The following PRKCB variants were observed in gnomAD, a reference collection of about 807,000 sequenced individuals.
PRKCB encodes the protein protein kinase C beta type.
PRKCB carries 13 observed loss-of-function variants against 81.5 expected under a neutral mutation model. The observed-to-expected ratio is 0.16, with a 90% CI of 0.10 to 0.25. The LOEUF is 0.25. Among genes scored for constraint, PRKCB ranks in the 10% least tolerant of loss-of-function variants. PRKCB has a pLI of 1.00. For synonymous variants in PRKCB, 335 were observed against 321.4 expected (o/e 1.04, Z -0.45); for missense variants, 509 against 875.7 (o/e 0.58, Z 5.29).
At chr16:24,057,348 C>T (rs1567359371) in intron 5 of PRKCB, among the ~76,000 whole-genome samples, 2 of 152,152 alleles carry the variant, frequency 1.3e-5, no homozygotes, top group Non-Finnish European at 2.9e-5. Context: ...AAAGTCCCAT[C>T]GCTAGGGAGC....
At chr16:24,002,464 T>C (rs1212553727) in intron 3 of PRKCB, among the ~76,000 whole-genome samples, 2 of 152,040 alleles carry the variant, frequency 1.3e-5, no homozygotes, top group South Asian at 2.1e-4. Flanking sequence ...CTCAGCCTCC[T>C]GAGTAGCTCG....
chr16:24,175,435 C>G (rs1298012570), intron 12 of PRKCB, among the ~76,000 whole-genome samples: 1 of 151,826 alleles, frequency 6.6e-6, no homozygotes, highest in Non-Finnish European at 1.5e-5. Flanking sequence ...AGATGAAACC[C>G]CTTGCCCCCG....
At chr16:23,844,976 A>T (rs1188594866) in intron 2 of PRKCB, among the ~76,000 whole-genome samples, 1 of 151,904 alleles carries the variant, frequency 6.6e-6, no homozygotes, top group Middle Eastern at 3.2e-3. Context: ...TAATTTTTGT[A>T]TTTTTAGTAG....
chr16:24,052,557 T>G (rs1183042359), intron 5 of PRKCB, among the ~76,000 whole-genome samples: 2 of 152,184 alleles, frequency 1.3e-5, no homozygotes, highest in East Asian at 3.9e-4. Context: ...TTTCATGAGT[T>G]TTCTGGGAAA....
intron 2 of PRKCB, among the ~76,000 whole-genome samples, chr16:23,944,721 G>A (rs1458020282): frequency 6.6e-6 from 1 of 152,238 alleles, no homozygotes; most frequent in Non-Finnish European, 1.5e-5. Context: ...AGTGTCTGCG[G>A]TTGGGAGACT....
chr16:23,942,458 G>A lies in PRKCB; in HGVS notation c.206-46050G>A, dbSNP rs74012817. Among the ~76,000 whole-genome samples the A allele has an allele frequency of 1.8e-3, 277 of 152,344 alleles. 1 individual carries two copies. Among genetic ancestry groups the A allele is most frequent in the African/African-American group, 6.4e-3 (265 of 41,574 alleles). On this transcript the variant is annotated intron_variant, in intron 2 of 16. Coordinates refer to ENST00000643927, the MANE Select transcript of PRKCB (RefSeq NM_002738.7). ...CCTTCCATAGACATGTGAGCCTGGA[G>A]CTTGGAGCATTGGAGTTTGAGAAAT... is the stretch of plus-strand genomic sequence containing the variant.
intron 2 of PRKCB, among the ~76,000 whole-genome samples, chr16:23,924,321 T>G (rs1963867372): frequency 6.6e-6 from 1 of 152,064 alleles, no homozygotes; most frequent in Non-Finnish European, 1.5e-5. Flanking sequence ...GTGAGTCATT[T>G]AAATCTCTTT....
chr16:24,151,497 G>A (rs1249843931), intron 9 of PRKCB, among the ~76,000 whole-genome samples: 1 of 152,204 alleles, frequency 6.6e-6, no homozygotes, highest in Non-Finnish European at 1.5e-5. Context: ...TGATTGAAGT[G>A]CGGAAATGCC....
In PRKCB at chr16:24,032,247, A is replaced by G; in HGVS notation, c.400A>G (p.Thr134Ala). Residue 134 changes from threonine to alanine, a missense_variant and splice_region_variant, in exon 4 of 17, where the codon ACC (threonine) becomes GCC (alanine). By Grantham distance (58) the Thr-to-Ala change is moderately conservative. Around this residue, in one of 6 missense-constraint regions of PRKCB, gnomAD observed 184 missense variants for 362.9 expected, o/e 0.51. Coordinates refer to ENST00000643927, the MANE Select transcript of PRKCB (RefSeq NM_002738.7). The stretch of plus-strand genomic sequence containing the variant: ...CATCCACCAGGGGATGAAATGTGAC[A>G]GTAAGTACTTTTTCTCTCTGGGGGC... ...GLIHQGMKCD[T>A]CMMNVHKRCV... 2 of 1,596,836 alleles carry G rather than the reference A, an allele frequency of 1.3e-6. No individual in the cohort carries two copies. The highest frequency in any genetic ancestry group is 1.7e-6 in the Non-Finnish European group (2 of 1,164,840).
intron 16 of PRKCB, among the ~76,000 whole-genome samples, chr16:24,209,485 C>T (rs1256348618): frequency 1.3e-5 from 2 of 152,116 alleles, no homozygotes; most frequent in African/African-American, 4.8e-5. Flanking sequence ...AAAGCAAATA[C>T]TAAATTTCCC....
chr16:23,981,035 G>C (rs1336513059), intron 2 of PRKCB, among the ~76,000 whole-genome samples: 1 of 151,978 alleles, frequency 6.6e-6, no homozygotes, highest in Non-Finnish European at 1.5e-5. Context: ...TATCCTTGCT[G>C]ATCTAGTGTT....
At chr16:23,850,290 A>G (rs1235580461) in intron 2 of PRKCB, among the ~76,000 whole-genome samples, 1 of 152,222 alleles carries the variant, frequency 6.6e-6, no homozygotes, top group East Asian at 1.9e-4. Flanking sequence ...ATGGGAATGC[A>G]CATATTCTTT....
At chr16:24,158,837 A>G (rs1967209931) in intron 10 of PRKCB, among the ~76,000 whole-genome samples, 1 of 151,852 alleles carries the variant, frequency 6.6e-6, no homozygotes, top group Non-Finnish European at 1.5e-5. Flanking sequence ...ATTTAAAAAT[A>G]TTTTGTAGAA....
At chr16:24,160,519 G>A (rs1967238381) in intron 10 of PRKCB, among the ~76,000 whole-genome samples, 1 of 150,886 alleles carries the variant, frequency 6.6e-6, no homozygotes, top group Non-Finnish European at 1.5e-5. Context: ...TATACAGAGG[G>A]TATTACTGCC....
intron 7 of PRKCB, among the ~76,000 whole-genome samples, chr16:24,097,453 G>A (rs1055695788): frequency 1.3e-4 from 20 of 152,300 alleles, no homozygotes; most frequent in African/African-American, 4.8e-4. Flanking sequence ...CAGAGGGTGG[G>A]TTGGGGAGAT....
intron 16 of PRKCB, among the ~76,000 whole-genome samples, chr16:24,203,930 T>G (rs2141988598): frequency 6.6e-6 from 1 of 152,218 alleles, no homozygotes; most frequent in South Asian, 2.1e-4. Flanking sequence ...CTTCCTGCCG[T>G]GATGCACCAG....
intron 5 of PRKCB, among the ~76,000 whole-genome samples, chr16:24,083,555 G>A (rs910733176): frequency 6.6e-6 from 1 of 152,178 alleles, no homozygotes; most frequent in African/African-American, 2.4e-5. Flanking sequence ...AAGGCCCTTT[G>A]CCGAGAAAGA....
chr16:23,894,631 G>A (rs981154346), intron 2 of PRKCB, among the ~76,000 whole-genome samples: 8 of 152,198 alleles, frequency 5.3e-5, no homozygotes, highest in South Asian at 2.1e-4. Context: ...ATGTAGAACC[G>A]AAGAACCACC....
chr16:24,120,890 T>C (rs1456582995), intron 8 of PRKCB, among the ~76,000 whole-genome samples: 1 of 152,020 alleles, frequency 6.6e-6, no homozygotes, highest in Non-Finnish European at 1.5e-5. Context: ...CACACCACCA[T>C]GCCTGGCTCA....
Sources: allele counts gnomAD v4.1 joint callset (sites outside exome capture counted in the v4.1 genomes callset), GRCh38; gene constraint gnomAD v4.1.1; regional missense constraint gnomAD v4.1.1; transcripts MANE v1.5; gene names NCBI Gene and HGNC (gene_info 2026-07-23, HGNC 2026-07-21).